Variants in NCAPD3 observed in about 807,000 individuals in gnomAD.
NCAPD3 encodes the protein non-SMC condensin II complex subunit D3, also known as condensin-2 complex subunit D3.
Under a neutral mutation model 182.9 loss-of-function variants are expected in NCAPD3, and 105 were observed. The ratio of observed to expected loss-of-function variants is 0.57; its 90% confidence interval spans 0.49 to 0.68. The LOEUF is 0.68. NCAPD3 is among the 30% of genes least tolerant of loss of function. The pLI is 0.00. For synonymous variants in NCAPD3, 815 were observed against 679.9 expected (o/e 1.20, Z -3.09); for missense variants, 1,944 against 1,837.0 (o/e 1.06, Z -1.07).
intron 8 of NCAPD3, among the ~76,000 whole-genome samples, chr11:134,205,850 T>C (rs935306758): frequency 2.0e-5 from 3 of 152,214 alleles, no homozygotes; most frequent in African/African-American, 7.2e-5. Flanking sequence ...AAGTCCTTAG[T>C]GAGAGACATT....
At chr11:134,196,161 T>G (rs1344931137) in intron 13 of NCAPD3, among the ~76,000 whole-genome samples, 1 of 152,120 alleles carries the variant, frequency 6.6e-6, no homozygotes, top group Non-Finnish European at 1.5e-5. Flanking sequence ...GGAGGGACAT[T>G]ACTACTATTA....
intron 24 of NCAPD3, among the ~76,000 whole-genome samples, chr11:134,175,496 T>C (rs1303361311): frequency 6.6e-6 from 1 of 152,168 alleles, no homozygotes; most frequent in African/African-American, 2.4e-5. Flanking sequence ...TAAAGAAAAC[T>C]GAGCAGAAAC....
At position 134,223,960 on chromosome 11, in the gene NCAPD3, C is replaced by A; in HGVS notation, c.-34G>T. The stretch of plus-strand genomic sequence containing the variant: ...GGCACCGGCTCGCCGCCGCCGTGCT[C>A]AACTTTCAAAGCTCGCTCCCGCGCG... On this transcript the variant is annotated 5_prime_UTR_variant, in exon 1 of 35. Coordinates refer to ENST00000534548, the MANE Select transcript of NCAPD3 (RefSeq NM_015261.3). The A allele has an allele frequency of 6.2e-7, 1 of 1,607,478 alleles. No homozygotes were observed. The highest frequency in any genetic ancestry group is 1.1e-5 in the South Asian group (1 of 90,102).
chr11:134,189,239 G>A (rs148561592), intron 16 of NCAPD3, among the ~76,000 whole-genome samples: 123 of 151,896 alleles, frequency 8.1e-4, no homozygotes, highest in African/African-American at 2.3e-3. Flanking sequence ...GTCATATCTC[G>A]GCAGAAGTTT....
rs148224417 is a variant in NCAPD3, at chr11:134,177,353, T to C, written c.2887A>G (p.Ile963Val). 41 of 1,614,134 alleles carry C rather than the reference T, an allele frequency of 2.5e-5. No homozygotes were observed. Among genetic ancestry groups the C allele is most frequent in the Non-Finnish European group, 3.2e-5 (38 of 1,180,046 alleles). The change falls in exon 23 of 35, where the codon ATT becomes GTT. Residue 963 changes from isoleucine to valine, a missense_variant. By Grantham distance (29) the Ile-to-Val change is conservative. Transcript: ENST00000534548. ...CGAATGCAGAGATCGCACATTACAA[T>C]GATGACGTTGTTGCGGACAGCCACG... Reference protein sequence around the residue: ...EDVAVRNNVIIVMCDLCIRYT... With the variant: ...EDVAVRNNVIVVMCDLCIRYT...
intron 24 of NCAPD3, among the ~76,000 whole-genome samples, chr11:134,170,712 A>G (rs1052884939): frequency 6.6e-6 from 1 of 152,256 alleles, no homozygotes; most frequent in African/African-American, 2.4e-5. Flanking sequence ...GCGGAGTTTA[A>G]GCCCTAGTGA....
intron 1 of NCAPD3, chr11:134,223,219 G>A (rs763774852): frequency 1.6e-5 from 9 of 573,594 alleles, no homozygotes; most frequent in Non-Finnish European, 2.2e-5. Flanking sequence ...GTGGGGGATG[G>A]GCTGGCACAG....
At chr11:134,172,135 G>A (rs929615049) in intron 24 of NCAPD3, among the ~76,000 whole-genome samples, 2 of 152,070 alleles carry the variant, frequency 1.3e-5, no homozygotes, top group Non-Finnish European at 2.9e-5. Context: ...CTGTTAAGAC[G>A]CCTCCACCTC....
intron 16 of NCAPD3, 28 bp downstream of exon 16, chr11:134,192,661 G>A (rs1369416167): frequency 6.3e-7 from 1 of 1,582,190 alleles, no homozygotes; most frequent in Admixed American, 1.7e-5. Flanking sequence ...TTCTTCTATA[G>A]GGAACACAGG....
intron 24 of NCAPD3, among the ~76,000 whole-genome samples, chr11:134,172,062 G>C (rs1944019135): frequency 6.6e-6 from 1 of 152,174 alleles, no homozygotes; most frequent in Non-Finnish European, 1.5e-5. Flanking sequence ...TGCCAAAAGT[G>C]TTCTGACACT....
At chr11:134,180,111 A>G (rs1309578618) in intron 20 of NCAPD3, among the ~76,000 whole-genome samples, 1 of 151,886 alleles carries the variant, frequency 6.6e-6, no homozygotes, top group African/African-American at 2.4e-5. Context: ...GAAGAGCAAG[A>G]CCCTCTAGAA....
At position 134,184,620 on chromosome 11, in the gene NCAPD3, G is replaced by A; in HGVS notation, c.2451+17C>T. ...CTCAAAGAAGTCAGAAACATGTCAGGGAAAGTCTGGCCATACCTGCTCCTC... is the reference window on the plus strand; with the variant it reads ...CTCAAAGAAGTCAGAAACATGTCAGAGAAAGTCTGGCCATACCTGCTCCTC... On this transcript the variant is annotated intron_variant, in intron 19 of 34. Transcript: ENST00000534548. 6.4e-7 allele frequency: 1 copy of A among 1,551,820 alleles called. No homozygotes were observed. Among genetic ancestry groups the A allele is most frequent in the Non-Finnish European group, 8.8e-7 (1 of 1,138,138 alleles).
Position 134,192,739 on chromosome 11 carries a change from G to A in NCAPD3, c.1995C>T (p.Val665=), listed in dbSNP as rs777201731. ...GGAGAGTAAGAAGCGCCCAGGCGAGGACCTGGCTGTCGTCCCCAGAGTGAA... is the reference window on the plus strand; with the variant it reads ...GGAGAGTAAGAAGCGCCCAGGCGAGAACCTGGCTGTCGTCCCCAGAGTGAA... The part of the protein sequence containing the change: ...SHFHSGDDSQ[V]LAWALLTLLT... Residue 665 remains valine, a synonymous_variant, in exon 16 of 35, where the codon GTC becomes GTT. Transcript: ENST00000534548. 18 of 1,614,112 alleles carry A rather than the reference G, an allele frequency of 1.1e-5. No individual in the cohort carries two copies. The highest frequency in any genetic ancestry group is 3.3e-5 in the Admixed American group (2 of 60,016).
Position 134,152,861 on chromosome 11 carries a change from T to C in NCAPD3, c.*83A>G. On this transcript the variant is annotated 3_prime_UTR_variant, in exon 35 of 35. Transcript: ENST00000534548. ...AGCGCTGCCCAAGGACTGCGGGAAGTGATCCAGCTGCCTTCACACGGAGGA... is the reference window on the plus strand; with the variant it reads ...AGCGCTGCCCAAGGACTGCGGGAAGCGATCCAGCTGCCTTCACACGGAGGA... 1 of 1,136,958 alleles carries C rather than the reference T, an allele frequency of 8.8e-7. No individual in the cohort carries two copies. Among genetic ancestry groups the C allele is most frequent in the Non-Finnish European group, 1.3e-6 (1 of 792,332 alleles). The allele number at this position is 1,136,958 out of a possible 1,614,324, so 70.4% of individuals were successfully genotyped here.
rs1943259420 is a variant in NCAPD3, at chr11:134,152,167, C to T, written c.*777G>A. 6.6e-6 allele frequency among the ~76,000 whole-genome samples: 1 copy of T among 152,276 alleles called. No individual in the cohort carries two copies. The highest frequency in any genetic ancestry group is 1.5e-5 in the Non-Finnish European group (1 of 68,044). ...AGCTGTTCCCCCATCATGGGAGCAG[C>T]CCTTAACAGAGGGCTGCACAAATCG... On this transcript the variant is annotated 3_prime_UTR_variant, in exon 35 of 35. Transcript: ENST00000534548.
chr11:134,184,954 TCA>T lies in NCAPD3; in HGVS notation c.2282_2283del (p.Val761AspfsTer10). The part of the protein sequence containing the change: ...NSNTLGHILC[V>X]IGHIAKHLPK... ...GGAAGATGCTTTGCAATATGCCCAA[TCA>T]CACAGAGAATATGTCCTAAGGTGTT... On this transcript the variant is annotated frameshift_variant, in exon 18 of 35. Coordinates refer to ENST00000534548, the MANE Select transcript of NCAPD3 (RefSeq NM_015261.3). LOFTEE classifies it high-confidence loss of function. 6.2e-7 allele frequency: 1 copy of T among 1,613,854 alleles called. No homozygotes were observed. The highest frequency in any genetic ancestry group is 8.5e-7 in the Non-Finnish European group (1 of 1,179,884).
chr11:134,153,599 C>A (rs2120469979), intron 32 of NCAPD3: 1 of 567,250 alleles, frequency 1.8e-6, no homozygotes, highest in Non-Finnish European at 3.2e-6. Context: ...CTCGGCTGGC[C>A]CCTGGGCCTC....
chr11:134,163,856 A>G (rs1183736406), intron 27 of NCAPD3, among the ~76,000 whole-genome samples: 2 of 131,120 alleles, frequency 1.5e-5, no homozygotes, highest in Admixed American at 8.1e-5. Context: ...TGGGCGACGC[A>G]GTGAGATTCT....
At chr11:134,187,063 T>C (rs1478456615) in intron 16 of NCAPD3, among the ~76,000 whole-genome samples, 1 of 152,198 alleles carries the variant, frequency 6.6e-6, no homozygotes, top group Non-Finnish European at 1.5e-5. Context: ...GGCTCCTCTT[T>C]GACAACTCCC....
Sources: gnomAD v4.1 joint callset for allele counts (sites outside exome capture counted in the v4.1 genomes callset) on GRCh38, gnomAD v4.1.1 for gene constraint, MANE v1.5 for transcripts, NCBI Gene and HGNC (gene_info 2026-07-23, HGNC 2026-07-21) for gene names.